Variants in GALNTL6 observed in about 807,000 individuals in gnomAD.
GALNTL6 encodes the protein polypeptide N-acetylgalactosaminyltransferase like 6.
A neutral mutation model predicts 73.7 loss-of-function variants in GALNTL6; 46 were observed. The observed-to-expected ratio is 0.62, with a 90% CI of 0.49 to 0.80. GALNTL6 has a LOEUF of 0.80. Ranked by LOEUF, GALNTL6 falls within the 30% of genes least tolerant of loss-of-function variation. GALNTL6 has a pLI of 0.00. For synonymous variants in GALNTL6, 259 were observed against 263.7 expected, an observed-to-expected ratio of 0.98 and a Z score of 0.17; for missense variants, 604 against 755.0, an observed-to-expected ratio of 0.80 and a Z score of 2.34.
rs1276957953 is a variant in GALNTL6 at position 171,935,099 on chromosome 4, G to GT, written c.138+120382dup. On this transcript the variant is annotated intron_variant, in intron 2 of 12. Coordinates refer to ENST00000506823, the MANE Select transcript of GALNTL6 (RefSeq NM_001034845.3). Reference sequence around the variant, plus strand: ...TTTTGCAGGATGTGAGATGCCAGTAGTAAGTACCCTAAGTTGCTTGGGCAG... The same window carrying GT: ...TTTTGCAGGATGTGAGATGCCAGTAGTTAAGTACCCTAAGTTGCTTGGGCAG... Among the ~76,000 whole-genome samples, 3 of 152,244 alleles carry GT rather than the reference G, an allele frequency of 2.0e-5. No homozygotes were observed. In the East Asian group the frequency reaches 5.8e-4, roughly 29 times the overall value.
chr4:172,726,089 A>G (rs1735781660), intron 5 of GALNTL6, among the ~76,000 whole-genome samples: 1 of 145,116 alleles, frequency 6.9e-6, no homozygotes, highest in Admixed American at 6.8e-5. Context: ...GTACACTGAC[A>G]CACAGATATT....
At chr4:172,459,184 C>T (rs1732518200) in intron 5 of GALNTL6, among the ~76,000 whole-genome samples, 1 of 152,172 alleles carries the variant, frequency 6.6e-6, no homozygotes, top group Non-Finnish European at 1.5e-5. Context: ...TAAAAACTCT[C>T]AATAAACTAA....
chr4:172,242,768 GA>G (rs33964913), intron 3 of GALNTL6, among the ~76,000 whole-genome samples: 57,775 of 151,932 alleles, frequency 0.38, 11,170 homozygotes, highest in Non-Finnish European at 0.41. Flanking sequence ...GGAAATTTTA[GA>G]AAAAAAATAA....
chr4:171,983,661 A>C (rs1020890646), intron 2 of GALNTL6, among the ~76,000 whole-genome samples: 11 of 151,842 alleles, frequency 7.2e-5, no homozygotes, highest in Non-Finnish European at 5.9e-5. Context: ...CTGGCCTTGA[A>C]ATTCTTAATA....
intron 5 of GALNTL6, among the ~76,000 whole-genome samples, chr4:172,769,138 C>T (rs982836186): frequency 5.3e-5 from 8 of 151,948 alleles, no homozygotes; most frequent in East Asian, 1.9e-4. Flanking sequence ...TTTGGAAACC[C>T]GCAATTCATC....
rs186678294 is a variant in GALNTL6, at chr4:172,754,550, C to T, written c.554-54811C>T. ...TCGCACCATTGCACTCCAGCCTAGG[C>T]GACAAGAGAAAAACTCCATCTCGAA... On this transcript the variant is annotated intron_variant, in intron 5 of 12. Coordinates refer to ENST00000506823, the MANE Select transcript of GALNTL6 (RefSeq NM_001034845.3). 7.8e-3 allele frequency among the ~76,000 whole-genome samples: 1,189 copies of T among 151,910 alleles called. 22 individuals carry two copies. The highest frequency in any genetic ancestry group is 6.8e-3 in the Middle Eastern group (2 of 292).
At chr4:172,782,102 CT>C (rs1402280067) in intron 5 of GALNTL6, among the ~76,000 whole-genome samples, 1 of 152,062 alleles carries the variant, frequency 6.6e-6, no homozygotes, top group Non-Finnish European at 1.5e-5. Context: ...CCATAACCTT[CT>C]CTTAATTCTT....
intron 3 of GALNTL6, among the ~76,000 whole-genome samples, chr4:172,276,681 G>A (rs1738843510): frequency 4.0e-5 from 6 of 151,882 alleles, no homozygotes; most frequent in Admixed American, 3.3e-4. Context: ...AACCAACTAG[G>A]TTGTGTTTGT....
intron 2 of GALNTL6, among the ~76,000 whole-genome samples, chr4:172,167,290 G>T (rs923429648): frequency 6.6e-6 from 1 of 152,176 alleles, no homozygotes; most frequent in Non-Finnish European, 1.5e-5. Flanking sequence ...GCTGTTGGTT[G>T]TCTTGAATGA....
intron 8 of GALNTL6, among the ~76,000 whole-genome samples, chr4:172,889,306 G>A (rs1254524130): frequency 1.3e-5 from 2 of 152,130 alleles, no homozygotes; most frequent in Non-Finnish European, 2.9e-5. Context: ...AAATAGGAGT[G>A]GTGAGGATGG....
At chr4:172,980,461 T>C (rs1413467335) in intron 10 of GALNTL6, among the ~76,000 whole-genome samples, 1 of 152,128 alleles carries the variant, frequency 6.6e-6, no homozygotes, top group South Asian at 2.1e-4. Flanking sequence ...CAGTGCCACA[T>C]AGTAGGTGGC....
intron 3 of GALNTL6, among the ~76,000 whole-genome samples, chr4:172,308,238 G>T (rs1299081025): frequency 6.6e-6 from 1 of 151,130 alleles, no homozygotes; most frequent in African/African-American, 2.4e-5. Flanking sequence ...TGAGTCTTTA[G>T]GGTTTTCATG....
chr4:172,228,514 T>C (rs560975858), intron 2 of GALNTL6, among the ~76,000 whole-genome samples: 16 of 152,238 alleles, frequency 1.1e-4, no homozygotes, highest in Admixed American at 6.5e-4. Flanking sequence ...TAAAGGTAGA[T>C]AATTTTTCAA....
At chr4:172,590,712 A>G (rs1387244818) in intron 5 of GALNTL6, among the ~76,000 whole-genome samples, 1 of 152,230 alleles carries the variant, frequency 6.6e-6, no homozygotes, top group Non-Finnish European at 1.5e-5. Flanking sequence ...ATCTGTTTAC[A>G]TACAAAGAGT....
intron 2 of GALNTL6, among the ~76,000 whole-genome samples, chr4:172,184,365 G>T (rs1048071145): frequency 2.0e-5 from 3 of 152,166 alleles, no homozygotes; most frequent in Non-Finnish European, 4.4e-5. Flanking sequence ...CTGGTGTGAA[G>T]CTCATGCCCT....
At chr4:172,598,496 G>T (rs1737944080) in intron 5 of GALNTL6, among the ~76,000 whole-genome samples, 1 of 152,096 alleles carries the variant, frequency 6.6e-6, no homozygotes, top group Admixed American at 6.6e-5. Flanking sequence ...AAGACCAGTT[G>T]CAGAGCCCAG....
chr4:172,311,316 A>C (rs1740349167), intron 3 of GALNTL6, among the ~76,000 whole-genome samples: 1 of 152,216 alleles, frequency 6.6e-6, no homozygotes, highest in Non-Finnish European at 1.5e-5. Context: ...TCAAGTTACA[A>C]ATCAGTGTGT....
chr4:172,894,942 G>GT (rs560456339), intron 8 of GALNTL6, among the ~76,000 whole-genome samples: 8 of 139,016 alleles, frequency 5.8e-5, no homozygotes, highest in Admixed American at 1.4e-4. Flanking sequence ...TAATGATCTT[G>GT]TTTTTTTTAC....
chr4:172,951,607 T>G (rs930475543), intron 9 of GALNTL6, among the ~76,000 whole-genome samples: 1 of 152,280 alleles, frequency 6.6e-6, no homozygotes, highest in Non-Finnish European at 1.5e-5. Flanking sequence ...AGCTTGTTTG[T>G]CCTCATTCTT....
Sources: allele counts gnomAD v4.1 joint callset (sites outside exome capture counted in the v4.1 genomes callset), GRCh38; gene constraint gnomAD v4.1.1; transcripts MANE v1.5; gene names NCBI Gene and HGNC (gene_info 2026-07-23, HGNC 2026-07-21).